PNPLA7: variants seen among roughly 807,000 people sequenced by gnomAD.
PNPLA7 encodes the protein patatin-like phospholipase domain-containing protein 7.
Under a neutral mutation model 161.7 loss-of-function variants are expected in PNPLA7, and 153 were observed. The ratio of observed to expected loss-of-function variants is 0.95; its 90% CI spans 0.83 to 1.08. The LOEUF (loss-of-function observed/expected upper bound fraction) is 1.08, where lower values mean the gene tolerates loss of function less well. Ranked by LOEUF, PNPLA7 falls within the 50% of genes least tolerant of loss-of-function variation. The probability of loss-of-function intolerance (pLI) is 0.00; values close to 1 mark genes in which losing one functional copy is unlikely to be tolerated. For synonymous variants in PNPLA7, 809 were observed against 782.1 expected (o/e 1.03, Z -0.57); for missense variants, 1,739 against 1,856.6 (o/e 0.94, Z 1.16).
intron 29 of PNPLA7, 76 bp from the exon 30 acceptor site, chr9:137,462,909 C>A: frequency 6.4e-7 from 1 of 1,571,976 alleles, no homozygotes; most frequent in South Asian, 1.1e-5. Flanking sequence ...CCTGCCTCTC[C>A]GAGCCCTGAC....
chr9:137,511,577 G>A (rs1834240758), intron 12 of PNPLA7, among the ~76,000 whole-genome samples: 1 of 152,218 alleles, frequency 6.6e-6, no homozygotes, highest in Non-Finnish European at 1.5e-5. Flanking sequence ...TTACTTAGCA[G>A]ACCAGGAAAG....
Position 137,486,446 on chromosome 9 carries a change from G to A in PNPLA7, c.2198-1710C>T, listed in dbSNP as rs1449467705. Among the ~76,000 whole-genome samples, 1 of 152,106 alleles carries A rather than the reference G, an allele frequency of 6.6e-6. No individual in the cohort carries two copies. Among genetic ancestry groups the A allele is most frequent in the African/African-American group, 2.4e-5 (1 of 41,414 alleles). ...CTGCTGAGCAGGAAAGCTGCAGAGTGGTTTATAAATGTGATTCCATTATTA... is the reference window on the plus strand; with the variant it reads ...CTGCTGAGCAGGAAAGCTGCAGAGTAGTTTATAAATGTGATTCCATTATTA... On this transcript the variant is annotated intron_variant, in intron 20 of 34. Coordinates refer to ENST00000406427, the MANE Select transcript of PNPLA7 (RefSeq NM_001098537.3). This position sits in a 1 kb window ranked among gnomAD's most constrained non-coding sequence, Gnocchi z 6.0.
intron 11 of PNPLA7, among the ~76,000 whole-genome samples, chr9:137,517,411 G>A (rs555392730): frequency 9.9e-4 from 32 of 32,466 alleles, no homozygotes; most frequent in Non-Finnish European, 1.5e-3. Context: ...TCCATCCCCC[G>A]TCACTCACTC....
chr9:137,507,416 T>C (rs1228998861), intron 12 of PNPLA7, among the ~76,000 whole-genome samples: 1 of 152,198 alleles, frequency 6.6e-6, no homozygotes, highest in African/African-American at 2.4e-5. Context: ...ACACCTATAG[T>C]CCCAGCACTT....
At chr9:137,549,536 A>G (rs12684605) in intron 1 of PNPLA7, among the ~76,000 whole-genome samples, 5 of 145,938 alleles carry the variant, frequency 3.4e-5, no homozygotes, top group African/African-American at 1.3e-4. Context: ...TGCCACTGCA[A>G]TCCAGCTTGG....
chr9:137,504,063 A>AAGG (rs1833761846), intron 14 of PNPLA7, among the ~76,000 whole-genome samples: 1 of 131,710 alleles, frequency 7.6e-6, no homozygotes, highest in Non-Finnish European at 1.7e-5. Flanking sequence ...GAAGAAGAAG[A>AAGG]AAGAAGAAGG....
At chr9:137,502,739 A>G (rs1404086678) in intron 14 of PNPLA7, among the ~76,000 whole-genome samples, 44 of 10,344 alleles carry the variant, frequency 4.3e-3, no homozygotes, top group South Asian at 0.01. Flanking sequence ...GGGGGGGACG[A>G]GAGGGATGTG....
At chr9:137,513,737 A>C (rs17065442) in intron 12 of PNPLA7, among the ~76,000 whole-genome samples, 17,516 of 152,212 alleles carry the variant, frequency 0.12, 1,021 homozygotes, top group East Asian at 0.2. Flanking sequence ...GAATCTCCAA[A>C]AAAAACTAAG....
At position 137,467,580 on chromosome 9, in the gene PNPLA7, C is replaced by T. The variant is rs980609661; in HGVS notation, c.2883-107G>A. ...TTCCCAACTCCTCCACAGGCAGAGA[C>T]GCTGACGCAGAGAGGGACTCCAGAT... is the stretch of plus-strand genomic sequence containing the variant. On this transcript the variant is annotated intron_variant, in intron 25 of 34. Transcript: ENST00000406427. This position sits in a 1 kb window ranked among gnomAD's most constrained non-coding sequence, Gnocchi z 5.1. 3.3e-5 allele frequency: 47 copies of T among 1,404,626 alleles called. No homozygotes were observed. In the East Asian group the frequency reaches 3.4e-4, roughly 10 times the overall value. The allele number at this position is 1,404,626 out of a possible 1,614,324, so 87.0% of individuals were successfully genotyped here.
chr9:137,477,010 G>T (rs369662082), intron 25 of PNPLA7, among the ~76,000 whole-genome samples: 2 of 152,246 alleles, frequency 1.3e-5, no homozygotes, highest in Non-Finnish European at 2.9e-5. Flanking sequence ...AGCTTTTCCC[G>T]GGGTAGCAGT....
At chr9:137,534,456 TC>T (rs1352067368) in intron 8 of PNPLA7, among the ~76,000 whole-genome samples, 1 of 151,150 alleles carries the variant, frequency 6.6e-6, no homozygotes, top group African/African-American at 2.4e-5. Context: ...ACTCCCAGAC[TC>T]CTCCCCAACA....
In PNPLA7 at chr9:137,524,650, A is replaced by C. The variant is rs1835207351; in HGVS notation, c.748-1793T>G. On this transcript the variant is annotated intron_variant, in intron 8 of 34. Coordinates refer to ENST00000406427, the MANE Select transcript of PNPLA7 (RefSeq NM_001098537.3). This position sits in a 1 kb window ranked among gnomAD's most constrained non-coding sequence, Gnocchi z 4.4. Reference sequence around the variant, plus strand: ...ATAAGAAACTACCAAACTGTCTCCTACAGCGGCTGCCGTGCTTTGCATTCT... The same window carrying C: ...ATAAGAAACTACCAAACTGTCTCCTCCAGCGGCTGCCGTGCTTTGCATTCT... 6.6e-6 allele frequency among the ~76,000 whole-genome samples: 1 copy of C among 152,232 alleles called. No homozygotes were observed. Among genetic ancestry groups the C allele is most frequent in the Admixed American group, 6.5e-5 (1 of 15,274 alleles).
intron 29 of PNPLA7, 111 bp from the exon 30 acceptor site, chr9:137,462,944 C>T (rs947534926): frequency 1.8e-5 from 25 of 1,407,438 alleles, no homozygotes; most frequent in Admixed American, 1.2e-4. Context: ...GTCTCCTCTC[C>T]GCCATTACAC....
rs916180554 is a variant in PNPLA7 at position 137,480,857 on chromosome 9, G to T, written c.2411+103C>A. Reference sequence around the variant, plus strand: ...CTCACACCACAGTGTGCTGGACGAGGAGCACGCTGCAGTGCAGATGCTGGA... The same window carrying T: ...CTCACACCACAGTGTGCTGGACGAGTAGCACGCTGCAGTGCAGATGCTGGA... On this transcript the variant is annotated intron_variant, in intron 22 of 34. Transcript: ENST00000406427. 7 of 1,230,378 alleles carry T rather than the reference G, an allele frequency of 5.7e-6. No individual in the cohort carries two copies. In the African/African-American group the frequency reaches 7.5e-5, roughly 13 times the overall value. The allele number at this position is 1,230,378 out of a possible 1,614,324, so 76.2% of individuals were successfully genotyped here. A position where few individuals can be genotyped will look rare whatever the true frequency, so the allele number is the denominator to read the frequency against.
In PNPLA7 at chr9:137,480,822, G is replaced by T. The variant is rs556485212; in HGVS notation, c.2411+138C>A. On this transcript the variant is annotated intron_variant, in intron 22 of 34. Coordinates refer to ENST00000406427, the MANE Select transcript of PNPLA7 (RefSeq NM_001098537.3). ...CAGTGTGTCCAGTGAAGGGAGTCAC[G>T]TCATCAGCCCTCACACCACAGTGTG... 9.1e-6 allele frequency: 9 copies of T among 993,808 alleles called. No individual in the cohort carries two copies. The South Asian group carries it at 1.4e-4, about 15-fold the overall frequency. 61.6% of individuals were successfully genotyped at this position (993,808 alleles called of 1,614,324 possible).
At chr9:137,542,105 C>G (rs1002532721) in intron 7 of PNPLA7, among the ~76,000 whole-genome samples, 9 of 152,108 alleles carry the variant, frequency 5.9e-5, no homozygotes, top group Non-Finnish European at 1.5e-5. Flanking sequence ...GTTCAATGGA[C>G]CATGGCAAAT....
rs1230130504 is a variant in PNPLA7, at chr9:137,540,672, G to A, written c.717C>T (p.His239=). Residue 239 remains histidine, a synonymous_variant, in exon 8 of 35, where the codon CAC becomes CAT. Transcript: ENST00000406427. This position sits in a 1 kb window ranked among gnomAD's most constrained non-coding sequence, Gnocchi z 5.1. ...VKEVLAGDSV[H]SLLSILDIIT... ...TGATGTCCAGGATGCTGAGCAGGCT[G>A]TGGACGCTGTCTCCCGCCAGAACCT... is the stretch of plus-strand genomic sequence containing the variant. The A allele has an allele frequency of 1.2e-6, 2 of 1,612,028 alleles. No individual in the cohort carries two copies. The highest frequency in any genetic ancestry group is 2.7e-5 in the African/African-American group (2 of 74,920).
intron 21 of PNPLA7, among the ~76,000 whole-genome samples, chr9:137,482,490 C>G (rs1380925414): frequency 6.6e-6 from 1 of 152,246 alleles, no homozygotes; most frequent in Non-Finnish European, 1.5e-5. Context: ...AGAGGCTACA[C>G]CGTGTGGTTC....
Position 137,540,803 on chromosome 9 carries a change from G to A in PNPLA7, c.667-81C>T. ...CTGGCGGAGGCTCAGCCCAGCCCAG[G>A]GCAGTGGGGCCACGGGCCTGCACCT... On this transcript the variant is annotated intron_variant, in intron 7 of 34. Transcript: ENST00000406427. This position sits in a 1 kb window ranked among gnomAD's most constrained non-coding sequence, Gnocchi z 5.1. 1 of 1,295,774 alleles carries A rather than the reference G, an allele frequency of 7.7e-7. No individual in the cohort carries two copies. The highest frequency in any genetic ancestry group is 1.1e-6 in the Non-Finnish European group (1 of 922,886). 80.3% of individuals were successfully genotyped at this position (1,295,774 alleles called of 1,614,324 possible).
Sources: gnomAD v4.1 joint callset for allele counts (sites outside exome capture counted in the v4.1 genomes callset) on GRCh38, gnomAD v4.1.1 for gene constraint, Gnocchi (gnomAD v3.1) non-coding constraint, MANE v1.5 for transcripts, NCBI Gene and HGNC (gene_info 2026-07-23, HGNC 2026-07-21) for gene names.